Variants in ATF6 observed in about 807,000 individuals in gnomAD.
ATF6 encodes the protein activating transcription factor 6.
ATF6 carries 53 observed loss-of-function variants against 83.6 expected under a neutral mutation model. That is an observed-to-expected ratio of 0.63 (90% CI 0.51 to 0.80). The LOEUF is 0.80. Among genes scored for constraint, ATF6 ranks in the 30% least tolerant of loss-of-function variants. The pLI is 0.00. For missense variants in ATF6, 744 were observed against 797.9 expected, an observed-to-expected ratio of 0.93 and a Z score of 0.81; for synonymous variants, 288 against 285.8, an observed-to-expected ratio of 1.01 and a Z score of -0.08.
At chr1:161,834,327 G>C (rs570901185) in intron 9 of ATF6, among the ~76,000 whole-genome samples, 1 of 151,916 alleles carries the variant, frequency 6.6e-6, no homozygotes, top group Non-Finnish European at 1.5e-5. Context: ...ACATGCACAC[G>C]TATGTTTATT....
intron 14 of ATF6, among the ~76,000 whole-genome samples, chr1:161,884,550 T>C (rs1478309916): frequency 6.6e-6 from 1 of 152,124 alleles, no homozygotes; most frequent in African/African-American, 2.4e-5. Flanking sequence ...CTAACTGTAA[T>C]TATCCTCAAA....
intron 2 of ATF6, among the ~76,000 whole-genome samples, chr1:161,780,697 TTTG>T (rs921859723): frequency 4.6e-5 from 7 of 151,740 alleles, no homozygotes; most frequent in African/African-American, 1.2e-4. Flanking sequence ...TGTTGCTGTT[TTTG>T]TTGTTGTTGT....
At chr1:161,904,556 C>T (rs1053994877) in intron 14 of ATF6, among the ~76,000 whole-genome samples, 1 of 151,884 alleles carries the variant, frequency 6.6e-6, no homozygotes, top group African/African-American at 2.4e-5. Flanking sequence ...CTACTGTACT[C>T]CAGCCTGGGT....
intron 14 of ATF6, among the ~76,000 whole-genome samples, chr1:161,870,431 T>A (rs1365021527): frequency 6.6e-6 from 1 of 151,802 alleles, no homozygotes; most frequent in Non-Finnish European, 1.5e-5. Flanking sequence ...ATGTCTTTGC[T>A]TTGTCTTAAA....
In ATF6 at chr1:161,903,825, T is replaced by C. The variant is rs535630692; in HGVS notation, c.1720-8471T>C. Among the ~76,000 whole-genome samples, 6 of 152,274 alleles carry C rather than the reference T, an allele frequency of 3.9e-5. No individual in the cohort carries two copies. In the East Asian group the frequency reaches 1.2e-3, roughly 29 times the overall value. ...CTAGCTCCAGAGTCCATCCTTTTAA[T>C]CTCTGTCTGTGCCACTCTGGCCAGT... is the stretch of plus-strand genomic sequence containing the variant. On this transcript the variant is annotated intron_variant, in intron 14 of 15. Coordinates refer to ENST00000367942, the MANE Select transcript of ATF6 (RefSeq NM_007348.4).
chr1:161,767,405 T>G (rs1243541749), intron 1 of ATF6, among the ~76,000 whole-genome samples: 2 of 152,344 alleles, frequency 1.3e-5, no homozygotes, highest in East Asian at 3.9e-4. Flanking sequence ...TGGAGATTTA[T>G]TTTAATCCTT....
intron 14 of ATF6, among the ~76,000 whole-genome samples, chr1:161,905,301 T>A (rs1687859288): frequency 6.6e-6 from 1 of 152,192 alleles, no homozygotes; most frequent in South Asian, 2.1e-4. Context: ...AAAATATATA[T>A]TTTTTGTCTC....
At chr1:161,892,869 C>T (rs530387589) in intron 14 of ATF6, among the ~76,000 whole-genome samples, 49 of 152,050 alleles carry the variant, frequency 3.2e-4, no homozygotes, top group African/African-American at 1.1e-3. Context: ...AACTCCTGAC[C>T]TCAGGTGATC....
chr1:161,950,700 A>C (rs1455811217), intron 15 of ATF6, among the ~76,000 whole-genome samples: 1 of 152,186 alleles, frequency 6.6e-6, no homozygotes, highest in Non-Finnish European at 1.5e-5. Flanking sequence ...AGCCTTCAAA[A>C]TGATTTTTTA....
intron 15 of ATF6, among the ~76,000 whole-genome samples, chr1:161,935,031 A>C (rs370412140): frequency 6.6e-6 from 1 of 152,214 alleles, no homozygotes; most frequent in Non-Finnish European, 1.5e-5. Context: ...ACAGATGCAA[A>C]TGGGTTTCAG....
chr1:161,806,328 A>C (rs1452338156), intron 7 of ATF6, among the ~76,000 whole-genome samples: 5 of 152,188 alleles, frequency 3.3e-5, no homozygotes, highest in Non-Finnish European at 5.9e-5. Flanking sequence ...CACTACTTCC[A>C]CCTACCCATC....
intron 7 of ATF6, among the ~76,000 whole-genome samples, chr1:161,814,001 C>T (rs1206774249): frequency 1.3e-5 from 2 of 151,876 alleles, no homozygotes; most frequent in Admixed American, 1.3e-4. Flanking sequence ...TCTCCTGCCT[C>T]AGCCTCCCGA....
At chr1:161,822,345 A>G (rs773668432) in intron 9 of ATF6, among the ~76,000 whole-genome samples, 2 of 152,148 alleles carry the variant, frequency 1.3e-5, no homozygotes, top group African/African-American at 4.8e-5. Context: ...TTTGAAGCCA[A>G]AGTAAAAAGA....
intron 7 of ATF6, among the ~76,000 whole-genome samples, chr1:161,815,184 A>AT (rs34687938): frequency 0.046 from 4,471 of 96,344 alleles, 79 homozygotes; most frequent in South Asian, 0.063. Context: ...TCCCATTTTA[A>AT]TTTTTTTTTT....
At chr1:161,774,607 G>C (rs560802185) in intron 1 of ATF6, among the ~76,000 whole-genome samples, 1 of 152,134 alleles carries the variant, frequency 6.6e-6, no homozygotes, top group Non-Finnish European at 1.5e-5. Flanking sequence ...AAGAGAGAGA[G>C]ATGTGTTGAC....
chr1:161,807,166 G>A (rs1219546248), intron 7 of ATF6, among the ~76,000 whole-genome samples: 1 of 152,106 alleles, frequency 6.6e-6, no homozygotes, highest in African/African-American at 2.4e-5. Context: ...AGACGTGTAG[G>A]AGCAAAACTC....
At chr1:161,829,462 T>G (rs1685992291) in intron 9 of ATF6, among the ~76,000 whole-genome samples, 1 of 152,076 alleles carries the variant, frequency 6.6e-6, no homozygotes, top group African/African-American at 2.4e-5. Flanking sequence ...TACATTCTTC[T>G]CAGCACCACA....
intron 15 of ATF6, among the ~76,000 whole-genome samples, chr1:161,940,232 C>T (rs1012413347): frequency 3.9e-5 from 6 of 152,160 alleles, no homozygotes; most frequent in African/African-American, 1.4e-4. Context: ...CAAATCCAAC[C>T]ACTTCTCATC....
chr1:161,869,468 T>TG (rs1188465046), intron 14 of ATF6, among the ~76,000 whole-genome samples: 2 of 151,914 alleles, frequency 1.3e-5, no homozygotes, highest in Non-Finnish European at 2.9e-5. Context: ...ACATAGATGT[T>TG]GGAGTTTGGC....
Sources: allele counts gnomAD v4.1 joint callset (sites outside exome capture counted in the v4.1 genomes callset), GRCh38; gene constraint gnomAD v4.1.1; transcripts MANE v1.5; gene names NCBI Gene and HGNC (gene_info 2026-07-23, HGNC 2026-07-21).